CCSER1: variants seen among roughly 807,000 people sequenced by gnomAD.
CCSER1 encodes serine-rich coiled-coil domain-containing protein 1.
In CCSER1, 41 loss-of-function variants were observed where a neutral mutation model predicts 82.0. That is an observed-to-expected ratio of 0.50 (90% CI 0.39 to 0.65). The LOEUF (loss-of-function observed/expected upper bound fraction) is 0.65. Ranked by LOEUF, CCSER1 falls within the 30% of genes least tolerant of loss-of-function variation. The pLI is 0.00. For missense variants in CCSER1, 1,119 were observed against 1,064.2 expected, an observed-to-expected ratio of 1.05 and a Z score of -0.72; for synonymous variants, 414 against 383.9, an observed-to-expected ratio of 1.08 and a Z score of -0.92.
At chr4:90,304,977 G>T (rs952861028) in intron 1 of CCSER1, among the ~76,000 whole-genome samples, 1 of 151,624 alleles carries the variant, frequency 6.6e-6, no homozygotes, top group African/African-American at 2.4e-5. Flanking sequence ...GAGTGCAGTG[G>T]CCTGATCTGG....
chr4:90,312,786 A>C (rs568052933), intron 2 of CCSER1, 77 bp from the exon 3 acceptor site: 1 of 1,135,674 alleles, frequency 8.8e-7, no homozygotes, highest in African/African-American at 1.6e-5. Flanking sequence ...AGAGTTTTTC[A>C]TGATCTTTCA....
chr4:90,487,155 A>G (rs1249496531), intron 5 of CCSER1, among the ~76,000 whole-genome samples: 2 of 152,142 alleles, frequency 1.3e-5, no homozygotes, highest in South Asian at 2.1e-4. Flanking sequence ...CAGGTGATCC[A>G]CCTGCCTTGG....
chr4:91,308,842 A>G (rs1428498712), intron 10 of CCSER1, among the ~76,000 whole-genome samples: 1 of 151,974 alleles, frequency 6.6e-6, no homozygotes, highest in East Asian at 1.9e-4. Context: ...TTAACACAGG[A>G]GCAACCAAAT....
intron 5 of CCSER1, among the ~76,000 whole-genome samples, chr4:90,626,711 C>A (rs1242326507): frequency 2.0e-5 from 3 of 152,072 alleles, no homozygotes; most frequent in Non-Finnish European, 4.4e-5. Flanking sequence ...AGTTACTTAA[C>A]CTCTCTTGAC....
intron 3 of CCSER1, among the ~76,000 whole-genome samples, chr4:90,394,881 GT>G (rs1379932633): frequency 6.6e-6 from 1 of 152,052 alleles, no homozygotes; most frequent in African/African-American, 2.4e-5. Flanking sequence ...AATCATATTT[GT>G]CTTCCTGGAT....
At chr4:90,792,978 G>C (rs1755479228) in intron 7 of CCSER1, among the ~76,000 whole-genome samples, 1 of 152,138 alleles carries the variant, frequency 6.6e-6, no homozygotes, top group African/African-American at 2.4e-5. Context: ...GATAAAGAAG[G>C]GGTAATAACT....
chr4:91,247,873 A>T (rs1450537141), intron 10 of CCSER1, among the ~76,000 whole-genome samples: 2 of 152,162 alleles, frequency 1.3e-5, no homozygotes, highest in Non-Finnish European at 2.9e-5. Context: ...GTCTCAAAAA[A>T]AACAACAACA....
chr4:90,745,371 A>G lies in CCSER1; in HGVS notation c.2010+21380A>G, dbSNP rs144321366. On this transcript the variant is annotated intron_variant, in intron 7 of 10. Coordinates refer to ENST00000509176, the MANE Select transcript of CCSER1 (RefSeq NM_001145065.2). ...ACTGGGTCCACCCAGATAGTCCAGG[A>G]AAATTCTATTACAAGGTTGGCTGAT... Among the ~76,000 whole-genome samples the G allele has an allele frequency of 2.7e-3, 404 of 152,326 alleles. 3 individuals are homozygous for G. Among genetic ancestry groups the G allele is most frequent in the African/African-American group, 9.5e-3 (395 of 41,570 alleles).
chr4:90,998,860 A>G (rs529163661), intron 9 of CCSER1, among the ~76,000 whole-genome samples: 14 of 152,068 alleles, frequency 9.2e-5, no homozygotes, highest in Admixed American at 8.5e-4. Context: ...CCAACCGTTA[A>G]CTTTTCCCAC....
chr4:91,202,602 A>G (rs1490606050), intron 10 of CCSER1, among the ~76,000 whole-genome samples: 2 of 152,026 alleles, frequency 1.3e-5, no homozygotes, highest in Non-Finnish European at 2.9e-5. Context: ...AGAATATCTT[A>G]AAATCTCAAA....
intron 7 of CCSER1, among the ~76,000 whole-genome samples, chr4:90,796,019 GGAGGA>G (rs2149680431): frequency 6.6e-6 from 1 of 150,910 alleles, no homozygotes; most frequent in East Asian, 1.9e-4. Context: ...AATGAGTTAG[GGAGGA>G]GTCTCTCCTT....
At chr4:90,297,543 C>G (rs77061967) in intron 1 of CCSER1, among the ~76,000 whole-genome samples, 96,317 of 144,588 alleles carry the variant, frequency 0.67, 34,235 homozygotes, top group African/African-American at 0.92. Context: ...GAATAGGAGT[C>G]GTGAGAGAGG....
At chr4:90,866,830 A>G (rs966443193) in intron 8 of CCSER1, among the ~76,000 whole-genome samples, 2 of 152,062 alleles carry the variant, frequency 1.3e-5, no homozygotes, top group African/African-American at 2.4e-5. Context: ...ATCATCAGGC[A>G]TTAGATTCTC....
chr4:90,966,324 CA>C (rs1734556864), intron 9 of CCSER1, among the ~76,000 whole-genome samples: 1 of 150,756 alleles, frequency 6.6e-6, no homozygotes, highest in African/African-American at 2.4e-5. Context: ...TGTTGAAAGA[CA>C]AAGAAAAAAA....
chr4:90,545,230 T>A (rs1560694631), intron 5 of CCSER1, among the ~76,000 whole-genome samples: 1 of 152,040 alleles, frequency 6.6e-6, no homozygotes, highest in Admixed American at 6.6e-5. Flanking sequence ...ATTGGGAAGG[T>A]TTTTTACTTC....
At chr4:90,750,409 C>T (rs1321370223) in intron 7 of CCSER1, among the ~76,000 whole-genome samples, 3 of 152,068 alleles carry the variant, frequency 2.0e-5, no homozygotes, top group Non-Finnish European at 4.4e-5. Flanking sequence ...TTGCCAGCCC[C>T]ATCTTTACTC....
At chr4:91,111,313 G>T (rs80087088) in intron 10 of CCSER1, among the ~76,000 whole-genome samples, 2,373 of 152,054 alleles carry the variant, frequency 0.016, 27 homozygotes, top group Middle Eastern at 0.024. Context: ...GATTCAGGTG[G>T]AAAGAAGATT....
At chr4:90,897,161 T>G (rs1723835409) in intron 8 of CCSER1, among the ~76,000 whole-genome samples, 1 of 151,854 alleles carries the variant, frequency 6.6e-6, no homozygotes. Context: ...GATTCCTGGG[T>G]TCTTTTGCAG....
At chr4:91,075,249 C>A (rs928353525) in intron 9 of CCSER1, among the ~76,000 whole-genome samples, 4 of 151,620 alleles carry the variant, frequency 2.6e-5, no homozygotes, top group African/African-American at 9.7e-5. Flanking sequence ...TAGCACACTG[C>A]AGAACATTTG....
Sources: gnomAD v4.1 joint callset for allele counts (sites outside exome capture counted in the v4.1 genomes callset) on GRCh38, gnomAD v4.1.1 for gene constraint, MANE v1.5 for transcripts, NCBI Gene and HGNC (gene_info 2026-07-23, HGNC 2026-07-21) for gene names.